CCSER1: variants seen among roughly 807,000 people sequenced by gnomAD.
The protein encoded by CCSER1 is coiled-coil serine rich protein 1.
CCSER1 carries 41 observed loss-of-function variants against 82.0 expected under a neutral mutation model. The ratio of observed to expected loss-of-function variants is 0.50; its 90% CI spans 0.39 to 0.65. The LOEUF (loss-of-function observed/expected upper bound fraction) is 0.65, where lower values mean the gene tolerates loss of function less well. CCSER1 is among the 30% of genes least tolerant of loss of function. The pLI is 0.00. For missense variants in CCSER1, 1,119 were observed against 1,064.2 expected, an observed-to-expected ratio of 1.05 and a Z score of -0.72; for synonymous variants, 414 against 383.9, an observed-to-expected ratio of 1.08 and a Z score of -0.92.
intron 5 of CCSER1, among the ~76,000 whole-genome samples, chr4:90,496,393 GA>G (rs1188269145): frequency 6.6e-6 from 1 of 152,136 alleles, no homozygotes; most frequent in African/African-American, 2.4e-5. Context: ...ATTCAGTATG[GA>G]GATTTGCCTC....
chr4:91,177,369 C>T (rs1050713767), intron 10 of CCSER1, among the ~76,000 whole-genome samples: 1 of 152,008 alleles, frequency 6.6e-6, no homozygotes, highest in Non-Finnish European at 1.5e-5. Context: ...TTTTTCTGTT[C>T]ATTGGAATAG....
chr4:90,389,939 T>G (rs1316436615), intron 3 of CCSER1, among the ~76,000 whole-genome samples: 2 of 152,226 alleles, frequency 1.3e-5, no homozygotes. Context: ...AAAAGCTTTT[T>G]AACTTGTCTG....
chr4:90,303,915 T>C (rs911061450), intron 1 of CCSER1, among the ~76,000 whole-genome samples: 1 of 151,922 alleles, frequency 6.6e-6, no homozygotes, highest in Non-Finnish European at 1.5e-5. Context: ...GACAAAGGGC[T>C]AATATCCAGA....
intron 6 of CCSER1, among the ~76,000 whole-genome samples, chr4:90,635,489 G>A (rs1725262858): frequency 6.6e-6 from 1 of 151,512 alleles, no homozygotes; most frequent in African/African-American, 2.4e-5. Context: ...AAGCTGAAAG[G>A]AAATTTTTAA....
At chr4:91,109,989 T>G (rs2148869651) in intron 10 of CCSER1, among the ~76,000 whole-genome samples, 1 of 152,240 alleles carries the variant, frequency 6.6e-6, no homozygotes, top group East Asian at 1.9e-4. Flanking sequence ...AAACTTTTTA[T>G]ATAGCACGTA....
At chr4:91,482,667 C>G (rs1348555636) in intron 10 of CCSER1, among the ~76,000 whole-genome samples, 1 of 151,958 alleles carries the variant, frequency 6.6e-6, no homozygotes, top group Non-Finnish European at 1.5e-5. Context: ...TGGCACTATT[C>G]ACAATAGCAA....
intron 1 of CCSER1, among the ~76,000 whole-genome samples, chr4:90,182,424 A>G (rs1051813295): frequency 9.2e-5 from 14 of 152,102 alleles, no homozygotes; most frequent in African/African-American, 3.4e-4. Flanking sequence ...AAGCAGTAGG[A>G]CCAGTCTTTG....
chr4:91,088,545 A>T (rs1366969711), intron 10 of CCSER1, among the ~76,000 whole-genome samples: 1 of 152,206 alleles, frequency 6.6e-6, no homozygotes, highest in Non-Finnish European at 1.5e-5. Flanking sequence ...GGAAATAGAG[A>T]TAGGTAACAC....
At chr4:90,339,466 G>A (rs74788111) in intron 3 of CCSER1, among the ~76,000 whole-genome samples, 2,150 of 151,790 alleles carry the variant, frequency 0.014, 63 homozygotes, top group African/African-American at 0.049. Flanking sequence ...TCCCACTATG[G>A]CCTGCATTTC....
At chr4:90,618,842 A>G (rs550070240) in intron 5 of CCSER1, among the ~76,000 whole-genome samples, 6 of 151,992 alleles carry the variant, frequency 3.9e-5, no homozygotes, top group South Asian at 2.1e-4. Context: ...TGTGACTTAA[A>G]AAAAGCCTTT....
chr4:90,674,161 C>A (rs1733346404), intron 6 of CCSER1, among the ~76,000 whole-genome samples: 2 of 151,910 alleles, frequency 1.3e-5, no homozygotes, highest in Admixed American at 1.3e-4. Flanking sequence ...GTATTACAAG[C>A]TTTCTAAGAA....
intron 3 of CCSER1, among the ~76,000 whole-genome samples, chr4:90,397,009 A>G (rs1264211221): frequency 2.0e-5 from 3 of 151,796 alleles, no homozygotes; most frequent in Non-Finnish European, 4.4e-5. Flanking sequence ...TCTGGAAAAG[A>G]TGTTTTTAGG....
At chr4:90,926,132 C>A (rs576455907) in intron 9 of CCSER1, among the ~76,000 whole-genome samples, 12 of 151,920 alleles carry the variant, frequency 7.9e-5, no homozygotes, top group Admixed American at 6.5e-4. Flanking sequence ...CAATAATAAT[C>A]ATTTATTCTT....
At chr4:90,303,349 C>A (rs1045610555) in intron 1 of CCSER1, among the ~76,000 whole-genome samples, 1 of 152,112 alleles carries the variant, frequency 6.6e-6, no homozygotes, top group Non-Finnish European at 1.5e-5. Flanking sequence ...CCAAGTCAAT[C>A]CTAAGCCAAA....
chr4:90,870,494 G>A (rs888856506), intron 8 of CCSER1, among the ~76,000 whole-genome samples: 14 of 151,462 alleles, frequency 9.2e-5, no homozygotes, highest in African/African-American at 2.9e-4. Flanking sequence ...GTATCACATC[G>A]ATTTGCATTT....
chr4:91,475,892 A>G (rs1045153057), intron 10 of CCSER1, among the ~76,000 whole-genome samples: 2 of 151,794 alleles, frequency 1.3e-5, no homozygotes, highest in Non-Finnish European at 3.0e-5. Context: ...AGAATGTGTG[A>G]TATTTGTCTC....
chr4:90,151,770 A>G (rs1346493866), intron 1 of CCSER1, among the ~76,000 whole-genome samples: 15 of 152,052 alleles, frequency 9.9e-5, no homozygotes. Context: ...TTTAGTATTA[A>G]ACAATTATTT....
intron 9 of CCSER1, among the ~76,000 whole-genome samples, chr4:91,029,120 G>T (rs909607967): frequency 6.6e-6 from 1 of 151,920 alleles, no homozygotes; most frequent in South Asian, 2.1e-4. Flanking sequence ...CCTCTTCATA[G>T]AAATCAAATG....
chr4:91,180,464 C>T (rs559208268), intron 10 of CCSER1, among the ~76,000 whole-genome samples: 39 of 152,308 alleles, frequency 2.6e-4, no homozygotes, highest in South Asian at 2.1e-3. Flanking sequence ...CCACCTAGTT[C>T]GAGCTTCCTT....
Sources: allele counts gnomAD v4.1 joint callset (sites outside exome capture counted in the v4.1 genomes callset), GRCh38; gene constraint gnomAD v4.1.1; transcripts MANE v1.5; gene names NCBI Gene and HGNC (gene_info 2026-07-23, HGNC 2026-07-21).